TIRAP: variants seen among roughly 807,000 people sequenced by gnomAD.
TIRAP encodes the protein TIR domain containing adaptor protein.
TIRAP carries 20 observed loss-of-function variants against 19.8 expected under a neutral mutation model. That is an observed-to-expected ratio of 1.01 (90% CI 0.71 to 1.47). TIRAP has a LOEUF of 1.47. TIRAP is among the 40% of genes most tolerant of loss of function. TIRAP has a pLI of 0.00. For synonymous variants in TIRAP, 125 were observed against 121.7 expected, an observed-to-expected ratio of 1.03 and a Z score of -0.18; for missense variants, 276 against 285.1, an observed-to-expected ratio of 0.97 and a Z score of 0.23.
In TIRAP at chr11:126,292,945, T is replaced by C; in HGVS notation, c.536T>C (p.Leu179Pro). The C allele has an allele frequency of 1.2e-6, 2 of 1,614,142 alleles. No homozygotes were observed. Among genetic ancestry groups the C allele is most frequent in the Non-Finnish European group, 1.7e-6 (2 of 1,179,986 alleles). ...PGAEGCTIPL[L>P]SGLSRAAYPP... ...GCCGAGGGCTGCACCATCCCCCTGC[T>C]GTCGGGCCTCAGCAGAGCTGCCTAC... The change falls in exon 4 of 5, where the codon CTG becomes CCG. Residue 179 changes from leucine to proline, a missense_variant. Coordinates refer to ENST00000392679, the MANE Select transcript of TIRAP (RefSeq NM_001318777.2).
At chr11:126,285,243 G>GTGTGTGTGTGTGTGTATATA in intron 1 of TIRAP, among the ~76,000 whole-genome samples, 5 of 106,972 alleles carry the variant, frequency 4.7e-5, no homozygotes, top group African/African-American at 1.8e-4. Flanking sequence ...GTGTGTGTGT[G>GTGTGTGTGTGTGTGTATATA]TATATATATA....
In TIRAP at chr11:126,291,451, A is replaced by C. The variant is rs778328776; in HGVS notation, c.67+490A>C. The C allele has an allele frequency of 7.5e-7, 1 of 1,325,250 alleles. No individual in the cohort carries two copies. Among genetic ancestry groups the C allele is most frequent in the Admixed American group, 2.1e-5 (1 of 47,382 alleles). The allele number at this position is 1,325,250 out of a possible 1,614,324, so 82.1% of individuals were successfully genotyped here. A position where few individuals can be genotyped will look rare whatever the true frequency, so the allele number is the denominator to read the frequency against. On this transcript the variant is annotated intron_variant, in intron 3 of 4. Coordinates refer to ENST00000392679, the MANE Select transcript of TIRAP (RefSeq NM_001318777.2). The surrounding 1 kb of genome is among the most constrained non-coding windows in gnomAD (Gnocchi z 5.6). The stretch of plus-strand genomic sequence containing the variant: ...CTGGTTCAGGCAGACCCTGCTGAAG[A>C]AGCCCAAGAAGAGGCCCGGCTCCCT...
Position 126,294,545 on chromosome 11 carries a change from ATCT to A in TIRAP, c.*861_*863del. 1 of 456,316 alleles carries A rather than the reference ATCT, an allele frequency of 2.2e-6. No homozygotes were observed. The allele number at this position is 456,316 out of a possible 1,614,324, so 28.3% of individuals were successfully genotyped here. A position where few individuals can be genotyped will look rare whatever the true frequency, so the allele number is the denominator to read the frequency against. On this transcript the variant is annotated 3_prime_UTR_variant, in exon 5 of 5. Coordinates refer to ENST00000392679, the MANE Select transcript of TIRAP (RefSeq NM_001318777.2). Reference sequence around the variant, plus strand: ...TAAAGCTGATACTTTCACAGTCACCATCTTCACCTTTGGACTGGGAAGAATCAC... The same window carrying A: ...TAAAGCTGATACTTTCACAGTCACCATCACCTTTGGACTGGGAAGAATCAC...
chr11:126,294,000 A>G lies in TIRAP; in HGVS notation c.*313A>G, dbSNP rs1271508246. 1 of 431,048 alleles carries G rather than the reference A, an allele frequency of 2.3e-6. No homozygotes were observed. The highest frequency in any genetic ancestry group is 4.3e-6 in the Non-Finnish European group (1 of 231,988). 26.7% of individuals were successfully genotyped at this position (431,048 alleles called of 1,614,324 possible). A position where few individuals can be genotyped will look rare whatever the true frequency, so the allele number is the denominator to read the frequency against. On this transcript the variant is annotated 3_prime_UTR_variant, in exon 5 of 5. Coordinates refer to ENST00000392679, the MANE Select transcript of TIRAP (RefSeq NM_001318777.2). ...GAAATTGGAGGTGGTAGGAAGTGGTACTGATCAATGATGGCCAGCAGGACT... is the reference window on the plus strand; with the variant it reads ...GAAATTGGAGGTGGTAGGAAGTGGTGCTGATCAATGATGGCCAGCAGGACT...
rs1463955622 is a variant in TIRAP at position 126,283,121 on chromosome 11, C to T, written c.-249C>T. 27 of 985,186 alleles carry T rather than the reference C, an allele frequency of 2.7e-5. No individual in the cohort carries two copies. Among genetic ancestry groups the T allele is most frequent in the Non-Finnish European group, 3.3e-5 (27 of 829,880 alleles). 61.0% of individuals were successfully genotyped at this position (985,186 alleles called of 1,614,324 possible). ...TTCCCCGCGGAGCCCGCGCAGTCCG[C>T]GCAGCCCTCATCGCAACTGGGCCCG... On this transcript the variant is annotated 5_prime_UTR_variant, in exon 1 of 5. Transcript: ENST00000392679.
chr11:126,286,742 C>T (rs955410114), intron 1 of TIRAP, among the ~76,000 whole-genome samples: 1 of 152,230 alleles, frequency 6.6e-6, no homozygotes, highest in African/African-American at 2.4e-5. Flanking sequence ...CATTCATTGG[C>T]CTGATCTAAT....
At chr11:126,293,155 C>T (rs760487756) in intron 4 of TIRAP, 100 bp downstream of exon 4, 58 of 1,581,680 alleles carry the variant, frequency 3.7e-5, no homozygotes, top group African/African-American at 1.2e-4. Context: ...TAGTTCAAAG[C>T]GCAGCTTCTG....
rs1223038890 is a variant in TIRAP at position 126,294,398 on chromosome 11, G to A, written c.*711G>A. The A allele has an allele frequency of 1.5e-5, 6 of 407,648 alleles. No individual in the cohort carries two copies. The highest frequency in any genetic ancestry group is 4.9e-6 in the Non-Finnish European group (1 of 204,802). 25.3% of individuals were successfully genotyped at this position (407,648 alleles called of 1,614,324 possible). A position where few individuals can be genotyped will look rare whatever the true frequency, so the allele number is the denominator to read the frequency against. ...GCCTAGAGGCCATTCTGAATATGGG[G>A]GTGGGGTGGTGGAGGGAGCAAGTGA... On this transcript the variant is annotated 3_prime_UTR_variant, in exon 5 of 5. Coordinates refer to ENST00000392679, the MANE Select transcript of TIRAP (RefSeq NM_001318777.2).
intron 1 of TIRAP, 54 bp downstream of exon 1, chr11:126,283,207 G>A: frequency 1.1e-6 from 1 of 930,324 alleles, no homozygotes; most frequent in Non-Finnish European, 1.3e-6. Context: ...GGCTCCGTGG[G>A]GTGGGCGACG....
Position 126,287,828 on chromosome 11 carries a change from A to ACTGCAACCTCTGCCTCC in TIRAP, c.-216-2632_-216-2616dup. Reference sequence around the variant, plus strand: ...GAGCACAGTGGTGCAATCTCGGCTCACTGCAACCTCTGCCTCCCAGGTTCA... The same window carrying ACTGCAACCTCTGCCTCC: ...GAGCACAGTGGTGCAATCTCGGCTCACTGCAACCTCTGCCTCCCTGCAACCTCTGCCTCCCAGGTTCA... On this transcript the variant is annotated intron_variant, in intron 1 of 4. Transcript: ENST00000392679. The surrounding 1 kb of genome is among the most constrained non-coding windows in gnomAD (Gnocchi z 4.2). Among the ~76,000 whole-genome samples the ACTGCAACCTCTGCCTCC allele has an allele frequency of 6.6e-6, 1 of 152,338 alleles. No homozygotes were observed. The highest frequency in any genetic ancestry group is 2.4e-5 in the African/African-American group (1 of 41,578).
In TIRAP at chr11:126,291,316, A is replaced by C; in HGVS notation, c.67+355A>C. 1 of 641,662 alleles carries C rather than the reference A, an allele frequency of 1.6e-6. No individual in the cohort carries two copies. Among genetic ancestry groups the C allele is most frequent in the Non-Finnish European group, 2.5e-6 (1 of 399,330 alleles). 39.7% of individuals were successfully genotyped at this position (641,662 alleles called of 1,614,324 possible). A position where few individuals can be genotyped will look rare whatever the true frequency, so the allele number is the denominator to read the frequency against. On this transcript the variant is annotated intron_variant, in intron 3 of 4. Transcript: ENST00000392679. The surrounding 1 kb of genome is among the most constrained non-coding windows in gnomAD (Gnocchi z 5.6). ...CCAAGCAGAGAGAGAAAATGAATCA[A>C]TCCCCACCACAACTATCTGTCCTTA...
At position 126,290,196 on chromosome 11, in the gene TIRAP, T is replaced by A. The variant is rs1951363658; in HGVS notation, c.-216-266T>A. On this transcript the variant is annotated intron_variant, in intron 1 of 4. Transcript: ENST00000392679. The surrounding 1 kb of genome is among the most constrained non-coding windows in gnomAD (Gnocchi z 4.9). ...GGATGGAGAAACGAGTTTAGCAAGG[T>A]GGCCAAAGGTCACGGTTAACCAGAG... 6.6e-6 allele frequency among the ~76,000 whole-genome samples: 1 copy of A among 152,180 alleles called. No individual in the cohort carries two copies. Among genetic ancestry groups the A allele is most frequent in the African/African-American group, 2.4e-5 (1 of 41,450 alleles).
Position 126,294,650 on chromosome 11 carries a change from T to G in TIRAP, c.*963T>G, listed in dbSNP as rs753166870. On this transcript the variant is annotated 3_prime_UTR_variant, in exon 5 of 5. Transcript: ENST00000392679. ...ATTCATCTGTTCTCAGTAAGTTTGT[T>G]GTTGAACTGAAATGAATTTCATTAT... is the stretch of plus-strand genomic sequence containing the variant. 1 of 428,854 alleles carries G rather than the reference T, an allele frequency of 2.3e-6. No homozygotes were observed. Among genetic ancestry groups the G allele is most frequent in the Non-Finnish European group, 4.7e-6 (1 of 212,578 alleles). The allele number at this position is 428,854 out of a possible 1,614,324, so 26.6% of individuals were successfully genotyped here.
intron 1 of TIRAP, chr11:126,289,673 A>T: frequency 1.0e-6 from 1 of 985,440 alleles, no homozygotes; most frequent in Non-Finnish European, 1.2e-6. Context: ...AGATCCACCA[A>T]AGAGAAAGCA....
intron 1 of TIRAP, among the ~76,000 whole-genome samples, chr11:126,285,231 ATG>A (rs149540450): frequency 7.8e-6 from 1 of 128,710 alleles, no homozygotes; most frequent in African/African-American, 2.8e-5. Context: ...TATTGGATAT[ATG>A]TGTGTGTGTG....
rs1465624841 is a variant in TIRAP at position 126,293,724 on chromosome 11, A to T, written c.*37A>T. On this transcript the variant is annotated 3_prime_UTR_variant, in exon 5 of 5. Coordinates refer to ENST00000392679, the MANE Select transcript of TIRAP (RefSeq NM_001318777.2). ...TCATGGGACCCCGGAAATTGGAGTG[A>T]AGCTAGAAACAGAAAACCCATGCAG... 1 of 1,613,574 alleles carries T rather than the reference A, an allele frequency of 6.2e-7. No individual in the cohort carries two copies. The highest frequency in any genetic ancestry group is 8.5e-7 in the Non-Finnish European group (1 of 1,179,464).
In TIRAP at chr11:126,290,182, C is replaced by T. The variant is rs765839464; in HGVS notation, c.-216-280C>T. Among the ~76,000 whole-genome samples the T allele has an allele frequency of 1.3e-5, 2 of 152,064 alleles. No individual in the cohort carries two copies. Among genetic ancestry groups the T allele is most frequent in the Admixed American group, 6.6e-5 (1 of 15,258 alleles). On this transcript the variant is annotated intron_variant, in intron 1 of 4. Transcript: ENST00000392679. This position sits in a 1 kb window ranked among gnomAD's most constrained non-coding sequence, Gnocchi z 4.9. The stretch of plus-strand genomic sequence containing the variant: ...TACTTCCATTTCACGGATGGAGAAA[C>T]GAGTTTAGCAAGGTGGCCAAAGGTC...
In TIRAP at chr11:126,290,229, T is replaced by C. The variant is rs865935562; in HGVS notation, c.-216-233T>C. ...GGTCACGGTTAACCAGAGATGAGAA[T>C]CAGGCACTCTACCTGCAGTCTGCAG... On this transcript the variant is annotated intron_variant, in intron 1 of 4. Transcript: ENST00000392679. The surrounding 1 kb of genome is among the most constrained non-coding windows in gnomAD (Gnocchi z 4.9). Among the ~76,000 whole-genome samples, 20 of 152,242 alleles carry C rather than the reference T, an allele frequency of 1.3e-4. No individual in the cohort carries two copies. Among genetic ancestry groups the C allele is most frequent in the Admixed American group, 3.9e-4 (6 of 15,286 alleles).
chr11:126,285,231 A>ATGTGTGTG (rs149540450), intron 1 of TIRAP, among the ~76,000 whole-genome samples: 13,591 of 128,082 alleles, frequency 0.11, 1,123 homozygotes, highest in South Asian at 0.17. Context: ...TATTGGATAT[A>ATGTGTGTG]TGTGTGTGTG....
Sources: allele counts gnomAD v4.1 joint callset (sites outside exome capture counted in the v4.1 genomes callset), GRCh38; gene constraint gnomAD v4.1.1; non-coding constraint Gnocchi (gnomAD v3.1); transcripts MANE v1.5; gene names NCBI Gene and HGNC (gene_info 2026-07-23, HGNC 2026-07-21).